ADAMTS3: variants seen among roughly 807,000 people sequenced by gnomAD.
ADAMTS3 encodes ADAM metallopeptidase with thrombospondin type 1 motif 3.
Under a neutral mutation model 129.0 loss-of-function variants are expected in ADAMTS3, and 73 were observed. The ratio of observed to expected loss-of-function variants is 0.57; its 90% confidence interval spans 0.47 to 0.69. The LOEUF (loss-of-function observed/expected upper bound fraction) is 0.69. Among genes scored for constraint, ADAMTS3 ranks in the 30% least tolerant of loss-of-function variants. ADAMTS3 has a pLI of 0.00. For missense variants in ADAMTS3, 1,457 were observed against 1,514.5 expected (o/e 0.96, Z 0.63); for synonymous variants, 477 against 510.8 (o/e 0.93, Z 0.89).
chr4:72,529,847 A>C (rs1387765971), intron 3 of ADAMTS3, among the ~76,000 whole-genome samples: 1 of 83,688 alleles, frequency 1.2e-5, no homozygotes, highest in Non-Finnish European at 2.1e-5. Flanking sequence ...ATAATATATT[A>C]TATTAATATA....
intron 3 of ADAMTS3, among the ~76,000 whole-genome samples, chr4:72,483,959 G>A (rs372150954): frequency 1.4e-4 from 21 of 152,172 alleles, no homozygotes; most frequent in African/African-American, 4.1e-4. Flanking sequence ...CGGAACTTGC[G>A]GTGAGCCAAG....
At chr4:72,487,052 A>G (rs578120219) in intron 3 of ADAMTS3, among the ~76,000 whole-genome samples, 1 of 152,256 alleles carries the variant, frequency 6.6e-6, no homozygotes, top group Admixed American at 6.5e-5. Flanking sequence ...AAGAAAAAAT[A>G]TTCTGAGAGG....
intron 3 of ADAMTS3, among the ~76,000 whole-genome samples, chr4:72,452,472 T>C (rs1263516659): frequency 1.3e-5 from 2 of 151,728 alleles, no homozygotes; most frequent in Non-Finnish European, 2.9e-5. Context: ...ATGTTTCAAA[T>C]TGCTTCTAGA....
chr4:72,553,364 A>T (rs1216761244), intron 2 of ADAMTS3, among the ~76,000 whole-genome samples: 1 of 152,198 alleles, frequency 6.6e-6, no homozygotes, highest in East Asian at 1.9e-4. Flanking sequence ...TCTTAAGAGC[A>T]GGAAGCAGGA....
Position 72,462,572 on chromosome 4 carries a change from TTTCCTATCAC to T in ADAMTS3, c.505-47611_505-47602del, listed in dbSNP as rs1718800093. ...CGTAGGATTCCAATGGAGCTGAAAA[TTTCCTATCAC>T]CCTGTGACGTCTTAATGATCCTGAT... On this transcript the variant is annotated intron_variant, in intron 3 of 21. Coordinates refer to ENST00000286657, the MANE Select transcript of ADAMTS3 (RefSeq NM_014243.3). 2.0e-5 allele frequency among the ~76,000 whole-genome samples: 3 copies of T among 151,994 alleles called. No homozygotes were observed. The South Asian group carries it at 6.2e-4, about 32-fold the overall frequency.
At chr4:72,298,550 A>G (rs1034888723) in intron 17 of ADAMTS3, 108 bp from the exon 18 acceptor site, 3 of 790,736 alleles carry the variant, frequency 3.8e-6, no homozygotes, top group South Asian at 2.8e-5. Context: ...GAAAACTTTC[A>G]AATAGTTTCA....
At position 72,309,601 on chromosome 4, in the gene ADAMTS3, G is replaced by C. The variant is rs185316345; in HGVS notation, c.2056-81C>G. The C allele has an allele frequency of 1.2e-4, 181 of 1,516,016 alleles. No homozygotes were observed. The African/African-American group carries it at 2.3e-3, about 19-fold the overall frequency. 93.9% of individuals were successfully genotyped at this position (1,516,016 alleles called of 1,614,324 possible). On this transcript the variant is annotated intron_variant, in intron 14 of 21. Coordinates refer to ENST00000286657, the MANE Select transcript of ADAMTS3 (RefSeq NM_014243.3). ...CATCCCAGAGAATGATGAACCCTTT[G>C]TTCAGTCATGGCCCACAGTCAGCCA...
At chr4:72,298,143 T>G in intron 18 of ADAMTS3, 134 bp downstream of exon 18, 1 of 637,604 alleles carries the variant, frequency 1.6e-6, no homozygotes, top group Non-Finnish European at 2.6e-6. Context: ...AAAAATGTTT[T>G]GTATTGATGT....
intron 3 of ADAMTS3, 144 bp from the exon 4 acceptor site, chr4:72,415,115 TTTA>T: frequency 2.2e-6 from 1 of 451,446 alleles, no homozygotes; most frequent in Non-Finnish European, 3.4e-6. Flanking sequence ...TTAAAATAGT[TTTA>T]TTAACTATCA....
intron 3 of ADAMTS3, among the ~76,000 whole-genome samples, chr4:72,529,815 A>C (rs1206124603): frequency 3.2e-4 from 29 of 91,930 alleles, no homozygotes; most frequent in African/African-American, 1.3e-3. Flanking sequence ...TATTATATAT[A>C]ATAATACATA....
intron 10 of ADAMTS3, among the ~76,000 whole-genome samples, chr4:72,317,672 C>G (rs1719434820): frequency 6.6e-6 from 1 of 152,014 alleles, no homozygotes; most frequent in Non-Finnish European, 1.5e-5. Flanking sequence ...CTATCATTAT[C>G]CACATATTAC....
chr4:72,455,687 G>A (rs79758039), intron 3 of ADAMTS3, among the ~76,000 whole-genome samples: 5,481 of 145,786 alleles, frequency 0.038, 128 homozygotes, highest in Non-Finnish European at 0.049. Flanking sequence ...CCTTTCTTCC[G>A]GATTTTTTGA....
At chr4:72,355,650 A>G (rs926295698) in intron 4 of ADAMTS3, among the ~76,000 whole-genome samples, 2 of 152,002 alleles carry the variant, frequency 1.3e-5, no homozygotes, top group Non-Finnish European at 2.9e-5. Flanking sequence ...TCATGTGAGG[A>G]TGCAGCAACA....
intron 11 of ADAMTS3, among the ~76,000 whole-genome samples, chr4:72,315,065 C>G (rs1364575672): frequency 6.6e-6 from 1 of 152,182 alleles, no homozygotes; most frequent in Admixed American, 6.5e-5. Context: ...TTTAAAACCT[C>G]TGGGCATCCT....
At chr4:72,500,430 T>C (rs200690470) in intron 3 of ADAMTS3, among the ~76,000 whole-genome samples, 1 of 152,166 alleles carries the variant, frequency 6.6e-6, no homozygotes, top group Non-Finnish European at 1.5e-5. Context: ...GAGAAGTGTC[T>C]GTTCATGTTC....
At chr4:72,416,151 C>A (rs1231183821) in intron 3 of ADAMTS3, among the ~76,000 whole-genome samples, 1 of 38,222 alleles carries the variant, frequency 2.6e-5, no homozygotes, top group Non-Finnish European at 6.8e-5. Flanking sequence ...TACCAAAGAG[C>A]ATATGTTTTC....
Position 72,293,334 on chromosome 4 carries a change from C to T in ADAMTS3, c.2724-2272G>A, listed in dbSNP as rs541695519. ...ATTCTTAACCATACAGGGTGATTTGCCCTCCTCCAACGCAGAAGACATGAG... is the reference window on the plus strand; with the variant it reads ...ATTCTTAACCATACAGGGTGATTTGTCCTCCTCCAACGCAGAAGACATGAG... On this transcript the variant is annotated intron_variant, in intron 19 of 21. Coordinates refer to ENST00000286657, the MANE Select transcript of ADAMTS3 (RefSeq NM_014243.3). Among the ~76,000 whole-genome samples the T allele has an allele frequency of 2.0e-4, 30 of 152,146 alleles. 1 individual carries two copies. In the South Asian group the frequency reaches 5.0e-3, roughly 25 times the overall value.
chr4:72,546,283 G>A (rs1424817464), intron 3 of ADAMTS3, among the ~76,000 whole-genome samples: 2 of 152,092 alleles, frequency 1.3e-5, no homozygotes, highest in Non-Finnish European at 2.9e-5. Flanking sequence ...TACCCTACCA[G>A]TAAAGATCTC....
intron 3 of ADAMTS3, among the ~76,000 whole-genome samples, chr4:72,427,856 T>C (rs1197544253): frequency 6.6e-6 from 1 of 152,038 alleles, no homozygotes; most frequent in African/African-American, 2.4e-5. Flanking sequence ...ATTGTAGATG[T>C]GCTGCAACAC....
Sources: allele counts gnomAD v4.1 joint callset (sites outside exome capture counted in the v4.1 genomes callset), GRCh38; gene constraint gnomAD v4.1.1; transcripts MANE v1.5; gene names NCBI Gene and HGNC (gene_info 2026-07-23, HGNC 2026-07-21).